SPMIP7: variants seen among roughly 807,000 people sequenced by gnomAD.
SPMIP7 encodes sperm microtubule inner protein 7, also known as protein SPMIP7.
the SPMIP7 span, among the ~76,000 whole-genome samples, chr7:50,147,822 G>A: frequency 1.3e-5 from 2 of 152,094 alleles, no homozygotes; most frequent in Non-Finnish European, 2.9e-5. Context: ...TGGCTTATTT[G>A]GAACTAGGGA....
At chr7:50,097,916 A>G in the SPMIP7 span, among the ~76,000 whole-genome samples, 1 of 152,194 alleles carries the variant, frequency 6.6e-6, no homozygotes, top group African/African-American at 2.4e-5. Flanking sequence ...CTGATAAAAC[A>G]TTTCATTAAT....
the SPMIP7 span, among the ~76,000 whole-genome samples, chr7:50,100,374 C>A: frequency 6.6e-6 from 1 of 152,190 alleles, no homozygotes; most frequent in Non-Finnish European, 1.5e-5. Flanking sequence ...GTGCAGGAGC[C>A]TTTCACTCAG....
chr7:50,102,790 A>C, the SPMIP7 span, among the ~76,000 whole-genome samples: 3 of 151,998 alleles, frequency 2.0e-5, no homozygotes, highest in South Asian at 4.1e-4. Context: ...TTAACTAATA[A>C]AAATGTTGAG....
chr7:50,156,317 T>C, the SPMIP7 span, among the ~76,000 whole-genome samples: 1 of 151,236 alleles, frequency 6.6e-6, no homozygotes, highest in African/African-American at 2.5e-5. Context: ...CATGAGAACA[T>C]AGTGAGCTAA....
chr7:50,124,007 A>G, the SPMIP7 span, among the ~76,000 whole-genome samples: 1 of 152,180 alleles, frequency 6.6e-6, no homozygotes, highest in Non-Finnish European at 1.5e-5. Flanking sequence ...TACTTCAGTT[A>G]TATAAAGATA....
chr7:50,136,874 T>A, the SPMIP7 span, among the ~76,000 whole-genome samples: 1 of 152,214 alleles, frequency 6.6e-6, no homozygotes, highest in African/African-American at 2.4e-5. Flanking sequence ...TTTTTGAATA[T>A]TTTATGTACA....
chr7:50,117,062 G>A, the SPMIP7 span, among the ~76,000 whole-genome samples: 5 of 152,254 alleles, frequency 3.3e-5, no homozygotes, highest in African/African-American at 1.2e-4. Flanking sequence ...TTCCCTAATG[G>A]CCTCACCATT....
the SPMIP7 span, among the ~76,000 whole-genome samples, chr7:50,119,416 T>C: frequency 1.3e-5 from 2 of 152,334 alleles, no homozygotes; most frequent in South Asian, 2.1e-4. Context: ...CTTTTTCCTA[T>C]TTCTGCCATC....
At chr7:50,117,604 A>G in the SPMIP7 span, among the ~76,000 whole-genome samples, 1 of 152,298 alleles carries the variant, frequency 6.6e-6, no homozygotes, top group South Asian at 2.1e-4. Context: ...GTAGTGTTAG[A>G]AATAGTGGCT....
chr7:50,148,017 TG>T, the SPMIP7 span, among the ~76,000 whole-genome samples: 22 of 152,318 alleles, frequency 1.4e-4, no homozygotes, highest in African/African-American at 5.3e-4. Context: ...TTAATAGCTT[TG>T]TTCCCTCCAG....
the SPMIP7 span, among the ~76,000 whole-genome samples, chr7:50,114,760 T>G: frequency 6.6e-6 from 1 of 152,150 alleles, no homozygotes; most frequent in Non-Finnish European, 1.5e-5. Flanking sequence ...CCGGGTGAGG[T>G]GGCTCACGCC....
chr7:50,130,700 T>C, the SPMIP7 span, among the ~76,000 whole-genome samples: 1 of 151,642 alleles, frequency 6.6e-6, no homozygotes, highest in East Asian at 1.9e-4. Flanking sequence ...GCTTCAGTAA[T>C]AAGTAGGAGG....
At chr7:50,157,556 A>G in the SPMIP7 span, among the ~76,000 whole-genome samples, 3 of 152,232 alleles carry the variant, frequency 2.0e-5, no homozygotes, top group African/African-American at 7.2e-5. Flanking sequence ...ATAAAGCAAA[A>G]TAAAATATTA....
the SPMIP7 span, among the ~76,000 whole-genome samples, chr7:50,122,404 C>A: frequency 6.7e-6 from 1 of 149,736 alleles, no homozygotes; most frequent in African/African-American, 2.5e-5. Flanking sequence ...ACACCTTATA[C>A]AAAAATCAAT....
chr7:50,106,019 T>A, the SPMIP7 span, among the ~76,000 whole-genome samples: 1 of 152,256 alleles, frequency 6.6e-6, no homozygotes, highest in Non-Finnish European at 1.5e-5. Flanking sequence ...TGGAAAGGCT[T>A]ATTAGCATAT....
the SPMIP7 span, among the ~76,000 whole-genome samples, chr7:50,158,538 G>A: frequency 6.7e-6 from 1 of 150,282 alleles, no homozygotes; most frequent in East Asian, 2.0e-4. Flanking sequence ...CCCCACCCAT[G>A]TCTCCTCTTG....
chr7:50,151,500 A>G, the SPMIP7 span: 1 of 1,551,658 alleles, frequency 6.4e-7, no homozygotes, highest in Non-Finnish European at 8.7e-7. Flanking sequence ...ACAGCCACCC[A>G]CCCAGCAAAT....
the SPMIP7 span, among the ~76,000 whole-genome samples, chr7:50,128,210 A>T: frequency 6.6e-6 from 1 of 151,992 alleles, no homozygotes; most frequent in Non-Finnish European, 1.5e-5. Flanking sequence ...AAATAAGCCA[A>T]CTACATAAGA....
At chr7:50,141,263 T>A in the SPMIP7 span, 1 of 1,467,910 alleles carries the variant, frequency 6.8e-7, no homozygotes, top group Non-Finnish European at 9.3e-7. Context: ...ATGCCTTCTT[T>A]CCTTTCCATT....
Sources: allele counts gnomAD v4.1 joint callset (sites outside exome capture counted in the v4.1 genomes callset), GRCh38; gene constraint gnomAD v4.1.1; transcripts MANE v1.5; gene names NCBI Gene and HGNC (gene_info 2026-07-23, HGNC 2026-07-21).